The following TMOD2 variants were observed in gnomAD, a reference collection of about 807,000 sequenced individuals.
TMOD2 encodes the protein tropomodulin-2.
In TMOD2, 22 loss-of-function variants were observed where a neutral mutation model predicts 39.9. The ratio of observed to expected loss-of-function variants is 0.55; its 90% confidence interval spans 0.39 to 0.79. The LOEUF is 0.79. TMOD2 is among the 30% of genes least tolerant of loss of function. The pLI is 0.00. For missense variants in TMOD2, 386 were observed against 413.3 expected (o/e 0.93, Z 0.57); for synonymous variants, 123 against 146.1 (o/e 0.84, Z 1.14).
intron 8 of TMOD2, among the ~76,000 whole-genome samples, chr15:51,802,392 TG>T (rs776342932): frequency 3.3e-5 from 5 of 152,224 alleles, no homozygotes; most frequent in Non-Finnish European, 7.3e-5. Flanking sequence ...AAATTACAGT[TG>T]ACGTCTATAT....
At chr15:51,754,053 G>T (rs1019858242) in intron 1 of TMOD2, among the ~76,000 whole-genome samples, 4 of 151,962 alleles carry the variant, frequency 2.6e-5, no homozygotes. Flanking sequence ...GGTGTGAGTG[G>T]GGGGGACGGG....
chr15:51,772,579 G>A (rs2055860489), intron 3 of TMOD2, among the ~76,000 whole-genome samples: 1 of 152,186 alleles, frequency 6.6e-6, no homozygotes, highest in Non-Finnish European at 1.5e-5. Flanking sequence ...ATGGAATCTT[G>A]CTGATAGGAT....
intron 7 of TMOD2, among the ~76,000 whole-genome samples, chr15:51,785,996 A>G (rs899055608): frequency 3.9e-5 from 6 of 152,186 alleles, no homozygotes; most frequent in Admixed American, 3.9e-4. Flanking sequence ...GTATAGTCAT[A>G]GTATAGTCTA....
intron 7 of TMOD2, chr15:51,783,135 C>G (rs911451179): frequency 6.6e-6 from 2 of 304,054 alleles, no homozygotes; most frequent in African/African-American, 2.2e-5. Flanking sequence ...ACTTTCACAT[C>G]TACAGTCATT....
chr15:51,776,863 A>G (rs2141623643), intron 4 of TMOD2, 69 bp from the exon 5 acceptor site: 1 of 1,267,488 alleles, frequency 7.9e-7, no homozygotes, highest in South Asian at 1.2e-5. Flanking sequence ...TCTTCAAGGG[A>G]CAAATTAACA....
chr15:51,777,932 T>C (rs1246985675), intron 5 of TMOD2, among the ~76,000 whole-genome samples: 1 of 151,970 alleles, frequency 6.6e-6, no homozygotes, highest in East Asian at 1.9e-4. Context: ...AGTGTGGCGA[T>C]TCCTCAGGGA....
chr15:51,778,742 C>T (rs954351352), intron 5 of TMOD2, among the ~76,000 whole-genome samples: 12 of 147,468 alleles, frequency 8.1e-5, no homozygotes, highest in African/African-American at 3.0e-4. Context: ...GCAACCTCCA[C>T]CTCCTGGGTT....
intron 7 of TMOD2, among the ~76,000 whole-genome samples, chr15:51,793,671 A>G (rs1042620442): frequency 1.4e-4 from 22 of 152,230 alleles, no homozygotes; most frequent in African/African-American, 4.6e-4. Context: ...ACCTGGGCCT[A>G]CAGCCCAGTA....
chr15:51,755,773 A>G (rs908003577), intron 1 of TMOD2, among the ~76,000 whole-genome samples: 6 of 152,082 alleles, frequency 3.9e-5, no homozygotes, highest in Non-Finnish European at 1.5e-5. Flanking sequence ...GGGTGCATAC[A>G]GCATCCATAA....
In TMOD2 at chr15:51,798,337, C is replaced by G. The variant is rs768636076; in HGVS notation, c.873C>G (p.Asn291Lys). Residue 291 changes from asparagine (N) to lysine (K), a missense_variant, in exon 8 of 10, where the codon AAC becomes AAG. Transcript: ENST00000249700. ...NDTLTEIKID[N>K]QRQQLGTAVE... ...CCTTGACAGAAATCAAGATTGACAA[C>G]CAGGTAAGGAAGGCCAGAGAATAGG... The G allele has an allele frequency of 7.7e-5, 124 of 1,613,114 alleles. No individual in the cohort carries two copies. Among genetic ancestry groups the G allele is most frequent in the Non-Finnish European group, 1.0e-4 (121 of 1,179,756 alleles).
intron 1 of TMOD2, chr15:51,756,591 G>T (rs1595859807): frequency 6.6e-6 from 1 of 152,370 alleles, no homozygotes; most frequent in South Asian, 2.1e-4. Context: ...CGTGCTTTTA[G>T]TCTTCTGTGT....
chr15:51,754,834 A>G (rs1567233328), intron 1 of TMOD2, among the ~76,000 whole-genome samples: 2 of 152,220 alleles, frequency 1.3e-5, no homozygotes, highest in Non-Finnish European at 1.5e-5. Context: ...TGTGATATGT[A>G]ATGTTTCCCA....
chr15:51,792,265 C>A (rs144415328), intron 7 of TMOD2, among the ~76,000 whole-genome samples: 3 of 152,268 alleles, frequency 2.0e-5, no homozygotes, highest in South Asian at 4.1e-4. Flanking sequence ...TGAAAAAATG[C>A]TCATCATCAC....
intron 7 of TMOD2, among the ~76,000 whole-genome samples, chr15:51,793,281 C>A (rs566452385): frequency 6.6e-6 from 1 of 152,108 alleles, no homozygotes; most frequent in Non-Finnish European, 1.5e-5. Context: ...GAAAGTGGAA[C>A]CATCGTAAGT....
At chr15:51,774,736 C>T (rs1035107780) in intron 4 of TMOD2, among the ~76,000 whole-genome samples, 3 of 152,066 alleles carry the variant, frequency 2.0e-5, no homozygotes, top group Admixed American at 1.3e-4. Context: ...GTGTTTTGCA[C>T]CCACTGGTCT....
chr15:51,758,946 G>A (rs575678400), intron 1 of TMOD2, among the ~76,000 whole-genome samples: 6 of 152,356 alleles, frequency 3.9e-5, no homozygotes, highest in East Asian at 1.9e-4. Context: ...TGAGGCTGAC[G>A]AAGATGACAG....
chr15:51,801,237 T>TCTCTCACACACACACA (rs1491214017), intron 8 of TMOD2, among the ~76,000 whole-genome samples: 9 of 102,138 alleles, frequency 8.8e-5, no homozygotes, highest in Admixed American at 2.3e-4. Context: ...TCTCTCTCTC[T>TCTCTCACACACACACA]CACACACACA....
intron 1 of TMOD2, among the ~76,000 whole-genome samples, chr15:51,758,032 A>G (rs903015656): frequency 2.0e-5 from 3 of 152,050 alleles, no homozygotes; most frequent in Non-Finnish European, 4.4e-5. Flanking sequence ...GTGAGCTATG[A>G]TCACATCATT....
At chr15:51,807,893 G>A (rs1279271423) in intron 9 of TMOD2, among the ~76,000 whole-genome samples, 1 of 152,172 alleles carries the variant, frequency 6.6e-6, no homozygotes, top group African/African-American at 2.4e-5. Context: ...TAAACATCAG[G>A]TTAAAAGAAC....
Sources: gnomAD v4.1 joint callset for allele counts (sites outside exome capture counted in the v4.1 genomes callset) on GRCh38, gnomAD v4.1.1 for gene constraint, MANE v1.5 for transcripts, NCBI Gene and HGNC (gene_info 2026-07-23, HGNC 2026-07-21) for gene names.